ADCYAP1: variants seen among roughly 807,000 people sequenced by gnomAD.
The protein encoded by ADCYAP1 is adenylate cyclase activating polypeptide 1.
ADCYAP1 carries 6 observed loss-of-function variants against 18.5 expected under a neutral mutation model. That is an observed-to-expected ratio of 0.32 (90% CI 0.18 to 0.64). ADCYAP1 has a LOEUF of 0.64. Ranked by LOEUF, ADCYAP1 falls within the 30% of genes least tolerant of loss-of-function variation. The pLI is 0.77. For missense variants in ADCYAP1, 314 were observed against 253.6 expected (o/e 1.24, Z -1.62); for synonymous variants, 136 against 113.9 (o/e 1.19, Z -1.24).
intron 2 of ADCYAP1, 36 bp from the exon 3 acceptor site, chr18:907,623 C>T (rs1909219255): frequency 6.4e-7 from 1 of 1,571,190 alleles, no homozygotes; most frequent in East Asian, 2.4e-5. Context: ...GAGGAACTTG[C>T]ACTGACCACA....
rs1161027042 is a variant in ADCYAP1 at position 905,244 on chromosome 18, C to T, written c.-1-142C>T. ...AAGCAAGAAGTGGCAGGGCGCGCACCGGCTGTCGCCAAGTGCTGTTCAACT... is the reference window on the plus strand; with the variant it reads ...AAGCAAGAAGTGGCAGGGCGCGCACTGGCTGTCGCCAAGTGCTGTTCAACT... On this transcript the variant is annotated intron_variant, in intron 1 of 4. Transcript: ENST00000450565. 136 of 1,476,282 alleles carry T rather than the reference C, an allele frequency of 9.2e-5. No individual in the cohort carries two copies. The Admixed American group carries it at 3.3e-3, about 36-fold the overall frequency. 91.4% of individuals were successfully genotyped at this position (1,476,282 alleles called of 1,614,324 possible).
rs745853788 is a variant in ADCYAP1, at chr18:907,782, C to T, written c.234C>T (p.Ala78=). ...CCGCCGCCGCCTGGTACCGCCCGGC[C>T]GGGAGAAGGTGAGATTCGCGCGGCC... ...PRAAAAWYRP[A]GRRDVAHGIL... is the part of the protein sequence containing the mutation. Residue 78 remains alanine, a synonymous_variant, in exon 3 of 5, where the codon GCC becomes GCT. Transcript: ENST00000450565. The T allele has an allele frequency of 4.9e-6, 7 of 1,442,046 alleles. No homozygotes were observed. The East Asian group carries it at 1.4e-4, about 28-fold the overall frequency. The allele number at this position is 1,442,046 out of a possible 1,614,324, so 89.3% of individuals were successfully genotyped here.
Position 909,626 on chromosome 18 carries a change from T to C in ADCYAP1, c.522T>C (p.Ala174=), listed in dbSNP as rs761666007. 1.2e-6 allele frequency: 2 copies of C among 1,613,378 alleles called. No homozygotes were observed. Among genetic ancestry groups the C allele is most frequent in the Non-Finnish European group, 8.5e-7 (1 of 1,179,518 alleles). ...TTAAAAACAAAGGACGCCGAATAGC[T>C]TATTTGTAGCGATGGGTTACCAGCT... is the stretch of plus-strand genomic sequence containing the variant. ...QRVKNKGRRI[A]YL The change falls in exon 5 of 5, where the codon GCT becomes GCC. Residue 174 remains alanine (A), a synonymous_variant. Coordinates refer to ENST00000450565, the MANE Select transcript of ADCYAP1 (RefSeq NM_001099733.2).
chr18:908,420 C>T (rs1909264643), intron 4 of ADCYAP1, 57 bp downstream of exon 4: 1 of 1,502,902 alleles, frequency 6.7e-7, no homozygotes, highest in Non-Finnish European at 9.1e-7. Context: ...CTGTGCGGGG[C>T]GCGCGGGGCG....
At chr18:908,639 T>A (rs1909272237) in intron 4 of ADCYAP1, among the ~76,000 whole-genome samples, 1 of 152,198 alleles carries the variant, frequency 6.6e-6, no homozygotes, top group African/African-American at 2.4e-5. Context: ...CTCTCAGTCA[T>A]CCAAAACCTT....
intron 2 of ADCYAP1, among the ~76,000 whole-genome samples, chr18:907,335 G>C (rs920716331): frequency 6.6e-6 from 1 of 152,156 alleles, no homozygotes; most frequent in African/African-American, 2.4e-5. Flanking sequence ...CAGGCGGGGA[G>C]GGGGGCGGTC....
chr18:909,431 C>A lies in ADCYAP1; in HGVS notation c.342-15C>A. On this transcript the variant is annotated splice_polypyrimidine_tract_variant and intron_variant, in intron 4 of 4. Coordinates refer to ENST00000450565, the MANE Select transcript of ADCYAP1 (RefSeq NM_001099733.2). ...TCCCGCCCCGCCACCCTCTTCCCGA[C>A]CCCTTTGCTTGCAGTGGGAGCCTCG... 2 of 1,607,286 alleles carry A rather than the reference C, an allele frequency of 1.2e-6. No homozygotes were observed. The highest frequency in any genetic ancestry group is 1.7e-6 in the Non-Finnish European group (2 of 1,177,118).
In ADCYAP1 at chr18:909,646, C is replaced by T. The variant is rs1250802443; in HGVS notation, c.*11C>T. 4 of 1,611,760 alleles carry T rather than the reference C, an allele frequency of 2.5e-6. No homozygotes were observed. The South Asian group carries it at 3.3e-5, about 13-fold the overall frequency. On this transcript the variant is annotated 3_prime_UTR_variant, in exon 5 of 5. Transcript: ENST00000450565. ...ATAGCTTATTTGTAGCGATGGGTTA[C>T]CAGCTACCCTGTGTATACAGCCCTG...
At chr18:905,573 C>T in intron 2 of ADCYAP1, 77 bp downstream of exon 2, 2 of 1,532,406 alleles carry the variant, frequency 1.3e-6, no homozygotes, top group Non-Finnish European at 1.8e-6. Context: ...CTCCTTCCTG[C>T]AGTCCTTTGG....
chr18:907,672 G>A lies in ADCYAP1; in HGVS notation c.124G>A (p.Ala42Thr). 6.3e-7 allele frequency: 1 copy of A among 1,582,342 alleles called. No individual in the cohort carries two copies. The highest frequency in any genetic ancestry group is 8.5e-7 in the Non-Finnish European group (1 of 1,172,192). The change falls in exon 3 of 5, where the codon GCG (alanine) becomes ACG (threonine). Residue 42 changes from alanine to threonine, a missense_variant. Coordinates refer to ENST00000450565, the MANE Select transcript of ADCYAP1 (RefSeq NM_001099733.2). ...GCCACCCCGCAGGCCAGAGGAAGAG[G>A]CGTACGGCGAGGACGGAAACCCGCT... is the stretch of plus-strand genomic sequence containing the variant. Reference protein sequence around the residue: ...RFPGIRPEEEAYGEDGNPLPD... With the variant: ...RFPGIRPEEETYGEDGNPLPD...
chr18:907,976 C>A, intron 3 of ADCYAP1, 186 bp downstream of exon 3: 4 of 1,174,954 alleles, frequency 3.4e-6, no homozygotes, highest in Non-Finnish European at 4.6e-6. Flanking sequence ...TCTGTGTGGA[C>A]CTGAGGGCCG....
chr18:906,717 T>A (rs1909183421), intron 2 of ADCYAP1: 1 of 152,356 alleles, frequency 6.6e-6, no homozygotes, highest in Admixed American at 6.5e-5. Context: ...CTACTAGCGC[T>A]GGCTGCACGC....
chr18:904,453 A>C, upstream of ADCYAP1: 1 of 1,288,976 alleles, frequency 7.8e-7, no homozygotes, highest in South Asian at 1.2e-5. Flanking sequence ...ATGTTGACAA[A>C]GAGGGCTCTC....
chr18:907,952 C>A, intron 3 of ADCYAP1, 162 bp downstream of exon 3: 1 of 1,289,154 alleles, frequency 7.8e-7, no homozygotes, highest in Non-Finnish European at 1.0e-6. Flanking sequence ...GACAGAAAAT[C>A]AGCAGCGGGC....
intron 2 of ADCYAP1, chr18:905,746 T>C: frequency 3.9e-6 from 2 of 513,974 alleles, no homozygotes; most frequent in Non-Finnish European, 6.9e-6. Context: ...GCCAGTGAGC[T>C]TCTGGCCGCT....
rs969715661 is a variant in ADCYAP1 at position 911,090 on chromosome 18, T to A, written c.*1455T>A. The A allele has an allele frequency of 1.3e-5, 2 of 152,220 alleles. No individual in the cohort carries two copies. The highest frequency in any genetic ancestry group is 2.4e-5 in the African/African-American group (1 of 41,462). 9.4% of individuals were successfully genotyped at this position (152,220 alleles called of 1,614,324 possible). A position where few individuals can be genotyped will look rare whatever the true frequency, so the allele number is the denominator to read the frequency against. Reference sequence around the variant, plus strand: ...CATATTAGAATGTGTAGTGTTCACATGTTGCTCAGTTTTGCTAACTGATAA... The same window carrying A: ...CATATTAGAATGTGTAGTGTTCACAAGTTGCTCAGTTTTGCTAACTGATAA... On this transcript the variant is annotated 3_prime_UTR_variant, in exon 5 of 5. Transcript: ENST00000450565.
intron 1 of ADCYAP1, 52 bp downstream of exon 1, chr18:905,112 CT>C (rs1450998873): frequency 7.4e-7 from 1 of 1,355,256 alleles, no homozygotes; most frequent in Non-Finnish European, 9.6e-7. Context: ...ACTGCTGATT[CT>C]TTCGCTTGGC....
In ADCYAP1 at chr18:910,026, T is replaced by C. The variant is rs1370881938; in HGVS notation, c.*391T>C. 6.6e-6 allele frequency: 1 copy of C among 152,514 alleles called. No homozygotes were observed. The highest frequency in any genetic ancestry group is 6.5e-5 in the Admixed American group (1 of 15,282). 9.4% of individuals were successfully genotyped at this position (152,514 alleles called of 1,614,324 possible). ...ATCATTGTTTTGAATATTACTCCTA[T>C]TTTTGTAAACTGGAATTAAAAGGAT... is the stretch of plus-strand genomic sequence containing the variant. On this transcript the variant is annotated 3_prime_UTR_variant, in exon 5 of 5. Transcript: ENST00000450565.
intron 4 of ADCYAP1, 139 bp downstream of exon 4, chr18:908,502 G>A (rs1025395028): frequency 1.7e-6 from 1 of 603,668 alleles, no homozygotes; most frequent in Admixed American, 3.4e-5. Flanking sequence ...TCCGCCACGG[G>A]TCGCAGTTGG....
Sources: gnomAD v4.1 joint callset for allele counts (sites outside exome capture counted in the v4.1 genomes callset) on GRCh38, gnomAD v4.1.1 for gene constraint, MANE v1.5 for transcripts, NCBI Gene and HGNC (gene_info 2026-07-23, HGNC 2026-07-21) for gene names.